Variants in LRP1B observed in about 807,000 individuals in gnomAD.
LRP1B encodes the protein LDL receptor related protein 1B, also known as low-density lipoprotein receptor-related protein 1B.
A neutral mutation model predicts 556.6 loss-of-function variants in LRP1B; 217 were observed. That is an observed-to-expected ratio of 0.39 (90% CI 0.35 to 0.44). LRP1B has a LOEUF of 0.44. Ranked by LOEUF, LRP1B falls within the 20% of genes least tolerant of loss-of-function variation. LRP1B has a pLI of 1.00. For missense variants in LRP1B, 5,053 were observed against 5,620.8 expected, an observed-to-expected ratio of 0.90 and a Z score of 3.23; for synonymous variants, 2,047 against 1,865.8, an observed-to-expected ratio of 1.10 and a Z score of -2.50.
At chr2:140,718,941 C>T (rs1322910414) in intron 35 of LRP1B, among the ~76,000 whole-genome samples, 1 of 151,992 alleles carries the variant, frequency 6.6e-6, no homozygotes, top group African/African-American at 2.4e-5. Context: ...TGAAACTTTC[C>T]TGCCTATTCT....
chr2:140,709,465 AGAAGAG>A (rs920148706), intron 37 of LRP1B, among the ~76,000 whole-genome samples: 18 of 151,660 alleles, frequency 1.2e-4, no homozygotes, highest in African/African-American at 4.1e-4. Context: ...AAGAAGAAGA[AGAAGAG>A]GAAGAGGAAG....
At chr2:141,174,962 C>T (rs571699951) in intron 7 of LRP1B, among the ~76,000 whole-genome samples, 1 of 152,234 alleles carries the variant, frequency 6.6e-6, no homozygotes, top group East Asian at 1.9e-4. Context: ...GAGTAAAGAT[C>T]ACTCTTGCTA....
At chr2:140,744,326 A>T (rs1688248472) in intron 35 of LRP1B, among the ~76,000 whole-genome samples, 1 of 152,210 alleles carries the variant, frequency 6.6e-6, no homozygotes, top group Non-Finnish European at 1.5e-5. Context: ...GAACAAAAAT[A>T]AAAGCACATA....
chr2:140,696,023 C>A (rs1275886829), intron 41 of LRP1B, among the ~76,000 whole-genome samples: 1 of 152,098 alleles, frequency 6.6e-6, no homozygotes, highest in Admixed American at 6.6e-5. Context: ...TTAGAACTCT[C>A]TGATATTTTT....
intron 53 of LRP1B, among the ~76,000 whole-genome samples, chr2:140,505,919 A>G (rs1438244425): frequency 6.6e-6 from 1 of 152,228 alleles, no homozygotes; most frequent in Non-Finnish European, 1.5e-5. Flanking sequence ...TTAAACTTCA[A>G]CTGAGCATTT....
intron 20 of LRP1B, among the ~76,000 whole-genome samples, chr2:140,946,833 C>G (rs547570292): frequency 6.6e-6 from 1 of 152,148 alleles, no homozygotes; most frequent in Non-Finnish European, 1.5e-5. Flanking sequence ...CCATGGAATA[C>G]TATGCAACCA....
chr2:141,777,099 A>G (rs1484828517), intron 2 of LRP1B, among the ~76,000 whole-genome samples: 1 of 152,196 alleles, frequency 6.6e-6, no homozygotes, highest in Non-Finnish European at 1.5e-5. Flanking sequence ...CAAGAGTGAA[A>G]GCTGACAAAA....
At chr2:141,963,733 C>A (rs1299396179) in intron 1 of LRP1B, among the ~76,000 whole-genome samples, 1 of 147,582 alleles carries the variant, frequency 6.8e-6, no homozygotes, top group Non-Finnish European at 1.5e-5. Context: ...AGTGTTGGAA[C>A]TTCTGGCCAG....
At chr2:141,332,298 G>A (rs1002339004) in intron 3 of LRP1B, among the ~76,000 whole-genome samples, 5 of 151,916 alleles carry the variant, frequency 3.3e-5, no homozygotes, top group South Asian at 2.1e-4. Flanking sequence ...ATCATGAAAC[G>A]TATTTTGTAA....
chr2:141,276,799 A>G (rs550727130), intron 3 of LRP1B, among the ~76,000 whole-genome samples: 14 of 151,404 alleles, frequency 9.2e-5, no homozygotes, highest in African/African-American at 2.9e-4. Context: ...TGGGACTACA[A>G]GCGGCCGCCA....
chr2:141,784,499 C>T (rs991417512), intron 2 of LRP1B, among the ~76,000 whole-genome samples: 1 of 151,798 alleles, frequency 6.6e-6, no homozygotes, highest in Non-Finnish European at 1.5e-5. Flanking sequence ...CAAGCATAAC[C>T]AATAACATTT....
intron 66 of LRP1B, among the ~76,000 whole-genome samples, chr2:140,396,002 G>A (rs1684235824): frequency 1.3e-5 from 2 of 152,098 alleles, no homozygotes; most frequent in Admixed American, 6.6e-5. Flanking sequence ...TGTTCAAAAT[G>A]CCTGCTATTC....
At chr2:141,990,403 T>G (rs1702311322) in intron 1 of LRP1B, among the ~76,000 whole-genome samples, 1 of 152,116 alleles carries the variant, frequency 6.6e-6, no homozygotes, top group Non-Finnish European at 1.5e-5. Context: ...TATCCATTTT[T>G]AAAATTTTAA....
At chr2:141,393,446 T>C (rs1277238604) in intron 3 of LRP1B, among the ~76,000 whole-genome samples, 1 of 152,180 alleles carries the variant, frequency 6.6e-6, no homozygotes, top group East Asian at 1.9e-4. Flanking sequence ...CAATTAGCAT[T>C]TCTGCCCAGT....
At chr2:141,534,627 G>T (rs1685006919) in intron 2 of LRP1B, among the ~76,000 whole-genome samples, 1 of 152,054 alleles carries the variant, frequency 6.6e-6, no homozygotes, top group African/African-American at 2.4e-5. Context: ...ATATATAAAA[G>T]TTGCAGTCAA....
At chr2:140,324,812 A>G (rs1680373175) in intron 80 of LRP1B, among the ~76,000 whole-genome samples, 1 of 151,698 alleles carries the variant, frequency 6.6e-6, no homozygotes, top group Non-Finnish European at 1.5e-5. Flanking sequence ...GAAATAGTAA[A>G]ATGTGTACCA....
chr2:140,824,946 CTATACGTTGAGGA>C (rs754343465), intron 31 of LRP1B, among the ~76,000 whole-genome samples: 5 of 152,118 alleles, frequency 3.3e-5, no homozygotes, highest in Non-Finnish European at 5.9e-5. Context: ...CAAAATTGTG[CTATACGTTGAGGA>C]TATAATAGTA....
At chr2:140,723,746 CT>C (rs1687495399) in intron 35 of LRP1B, among the ~76,000 whole-genome samples, 1 of 152,104 alleles carries the variant, frequency 6.6e-6, no homozygotes, top group Non-Finnish European at 1.5e-5. Flanking sequence ...ATAAATGTGG[CT>C]TTATTCTAGA....
intron 6 of LRP1B, among the ~76,000 whole-genome samples, chr2:141,216,537 T>C (rs1682822154): frequency 6.6e-6 from 1 of 152,070 alleles, no homozygotes; most frequent in Admixed American, 6.5e-5. Flanking sequence ...TTATCCTTCA[T>C]ACCCCAGAAT....
Sources: allele counts gnomAD v4.1 joint callset (sites outside exome capture counted in the v4.1 genomes callset), GRCh38; gene constraint gnomAD v4.1.1; transcripts MANE v1.5; gene names NCBI Gene and HGNC (gene_info 2026-07-23, HGNC 2026-07-21).